Variants in CCSAP observed in about 807,000 individuals in gnomAD.
CCSAP encodes the protein centriole, cilia and spindle-associated protein.
Under a neutral mutation model 25.9 loss-of-function variants are expected in CCSAP, and 17 were observed. The ratio of observed to expected loss-of-function variants is 0.66; its 90% CI spans 0.45 to 0.99. CCSAP has a LOEUF of 0.99. Ranked by LOEUF, CCSAP falls within the 50% of genes least tolerant of loss-of-function variation. The pLI is 0.00. For missense variants in CCSAP, 339 were observed against 367.8 expected (o/e 0.92, Z 0.64); for synonymous variants, 169 against 157.1 (o/e 1.08, Z -0.57).
In CCSAP at chr1:229,323,563, G is replaced by GT. The variant is rs1308456179; in HGVS notation, c.*1671dup. 8 of 152,164 alleles carry GT rather than the reference G, an allele frequency of 5.3e-5. No homozygotes were observed. Among genetic ancestry groups the GT allele is most frequent in the Non-Finnish European group, 8.8e-5 (6 of 68,042 alleles). 9.4% of individuals were successfully genotyped at this position (152,164 alleles called of 1,614,324 possible). On this transcript the variant is annotated 3_prime_UTR_variant, in exon 4 of 4. Transcript: ENST00000284617. The stretch of plus-strand genomic sequence containing the variant: ...GTGTCGTTTAAAGACTTTAATAATA[G>GT]TTAATACCAAAATTCACCAGTTACT...
rs1342109861 is a variant in CCSAP, at chr1:229,342,071, C to T, written c.367+28G>A. 1 of 1,319,410 alleles carries T rather than the reference C, an allele frequency of 7.6e-7. No homozygotes were observed. The highest frequency in any genetic ancestry group is 2.9e-5 in the East Asian group (1 of 34,808). 81.7% of individuals were successfully genotyped at this position (1,319,410 alleles called of 1,614,324 possible). A position where few individuals can be genotyped will look rare whatever the true frequency, so the allele number is the denominator to read the frequency against. ...GAGCAAACCGTCCCTGCGTGCAGGC[C>T]CCTCGCGCTCCCCTCCGGGCCGGGT... On this transcript the variant is annotated intron_variant, in intron 2 of 3. Transcript: ENST00000284617. The surrounding 1 kb of genome is among the most constrained non-coding windows in gnomAD (Gnocchi z 7.5).
At chr1:229,333,171 G>A (rs533327221) in intron 2 of CCSAP, among the ~76,000 whole-genome samples, 17 of 152,244 alleles carry the variant, frequency 1.1e-4, no homozygotes, top group South Asian at 2.1e-4. Context: ...GGTGGCTCAC[G>A]CCTATAATCC....
intron 2 of CCSAP, among the ~76,000 whole-genome samples, chr1:229,336,603 G>T (rs905618106): frequency 6.6e-6 from 1 of 152,006 alleles, no homozygotes; most frequent in Non-Finnish European, 1.5e-5. Flanking sequence ...CAGAAAACAG[G>T]CATCCCCCGT....
intron 3 of CCSAP, 146 bp from the exon 4 acceptor site, chr1:229,325,557 T>A: frequency 1.6e-6 from 1 of 623,226 alleles, no homozygotes; most frequent in Non-Finnish European, 2.7e-6. Context: ...CTTCTTTACA[T>A]AAAACCTTCC....
At chr1:229,336,194 A>C (rs547454485) in intron 2 of CCSAP, among the ~76,000 whole-genome samples, 1 of 150,008 alleles carries the variant, frequency 6.7e-6, no homozygotes, top group African/African-American at 2.5e-5. Context: ...GTTTTAAGCT[A>C]CTAATTTTCA....
At chr1:229,341,616 G>A (rs1658336027) in intron 2 of CCSAP, among the ~76,000 whole-genome samples, 1 of 152,230 alleles carries the variant, frequency 6.6e-6, no homozygotes, top group African/African-American at 2.4e-5. Context: ...TTTAGGGACA[G>A]CGTAGCGAGG....
Position 229,342,151 on chromosome 1 carries a change from G to A in CCSAP, c.315C>T (p.Asp105=), listed in dbSNP as rs1485440110. 1 of 1,322,114 alleles carries A rather than the reference G, an allele frequency of 7.6e-7. No homozygotes were observed. The highest frequency in any genetic ancestry group is 9.7e-7 in the Non-Finnish European group (1 of 1,034,758). The allele number at this position is 1,322,114 out of a possible 1,614,324, so 81.9% of individuals were successfully genotyped here. A position where few individuals can be genotyped will look rare whatever the true frequency, so the allele number is the denominator to read the frequency against. ...RRARGAPEEQ[D]AEAGDAEAED... is the part of the protein sequence containing the mutation. ...CGGCCTCCGCGTCCCCGGCCTCCGC[G>A]TCCTGCTCCTCCGGGGCCCCGCGCG... Residue 105 remains aspartate (D), a synonymous_variant, in exon 2 of 4, where the codon GAC becomes GAT. Coordinates refer to ENST00000284617, the MANE Select transcript of CCSAP (RefSeq NM_145257.5). The surrounding 1 kb of genome is among the most constrained non-coding windows in gnomAD (Gnocchi z 7.5).
intron 2 of CCSAP, among the ~76,000 whole-genome samples, chr1:229,337,698 TACAC>T (rs58144091): frequency 1.5e-4 from 9 of 60,686 alleles, no homozygotes; most frequent in African/African-American, 3.8e-4. Context: ...TATATATATA[TACAC>T]ATACATATAT....
At chr1:229,327,644 C>A (rs1458520885) in intron 2 of CCSAP, 1 of 452,500 alleles carries the variant, frequency 2.2e-6, no homozygotes, top group African/African-American at 2.0e-5. Context: ...CCGAGGCGAG[C>A]GGATCACGAG....
chr1:229,332,464 A>G (rs1658092635), intron 2 of CCSAP, among the ~76,000 whole-genome samples: 1 of 152,210 alleles, frequency 6.6e-6, no homozygotes, highest in African/African-American at 2.4e-5. Context: ...GTGTGACAAC[A>G]GAGGAAAGAG....
chr1:229,340,460 AT>A (rs1329507265), intron 2 of CCSAP: 7 of 715,256 alleles, frequency 9.8e-6, no homozygotes, highest in Non-Finnish European at 1.8e-5. Context: ...TTGTATTTAT[AT>A]TGCATGCAAA....
At chr1:229,326,687 C>T (rs1055998540) in intron 3 of CCSAP, 51 bp downstream of exon 3, 1 of 1,600,632 alleles carries the variant, frequency 6.2e-7, no homozygotes, top group African/African-American at 1.3e-5. Flanking sequence ...GCGCATGGCC[C>T]AGCTGGCCAC....
chr1:229,331,929 G>A (rs1658079443), intron 2 of CCSAP, among the ~76,000 whole-genome samples: 1 of 151,982 alleles, frequency 6.6e-6, no homozygotes, highest in Non-Finnish European at 1.5e-5. Flanking sequence ...GATTACAGGT[G>A]TGTGCTGGGC....
At position 229,325,514 on chromosome 1, in the gene CCSAP, G is replaced by A. The variant is rs981244763; in HGVS notation, c.637-103C>T. 8.8e-5 allele frequency: 93 copies of A among 1,057,400 alleles called. No individual in the cohort carries two copies. In the African/African-American group the frequency reaches 1.4e-3, roughly 16 times the overall value. 65.5% of individuals were successfully genotyped at this position (1,057,400 alleles called of 1,614,324 possible). On this transcript the variant is annotated intron_variant, in intron 3 of 3. Transcript: ENST00000284617. ...GGCTACTGCCAGGTCAACTGCAGCAGGGCAGAGTCAAGCCCTGCCTCTCTA... is the reference window on the plus strand; with the variant it reads ...GGCTACTGCCAGGTCAACTGCAGCAAGGCAGAGTCAAGCCCTGCCTCTCTA...
intron 2 of CCSAP, among the ~76,000 whole-genome samples, chr1:229,335,533 A>G (rs1658177012): frequency 6.6e-6 from 1 of 152,214 alleles, no homozygotes; most frequent in Admixed American, 6.5e-5. Context: ...TGGTGTCAAA[A>G]TAATTGCACC....
chr1:229,333,252 G>T (rs1658117514), intron 2 of CCSAP, among the ~76,000 whole-genome samples: 2 of 151,614 alleles, frequency 1.3e-5, no homozygotes, highest in Admixed American at 1.3e-4. Flanking sequence ...GTAACACGGT[G>T]AAACCCCGTC....
At chr1:229,329,056 G>T (rs1010949831) in intron 2 of CCSAP, among the ~76,000 whole-genome samples, 11 of 152,194 alleles carry the variant, frequency 7.2e-5, no homozygotes, top group African/African-American at 2.7e-4. Flanking sequence ...CTCTTCCCTG[G>T]TGTTTAAGAA....
In CCSAP at chr1:229,330,403, G is replaced by A. The variant is rs1008159633; in HGVS notation, c.368-3397C>T. On this transcript the variant is annotated intron_variant, in intron 2 of 3. Coordinates refer to ENST00000284617, the MANE Select transcript of CCSAP (RefSeq NM_145257.5). ...AGTCACCCAGAAGAAACACAGAGCC[G>A]GAAGACAGGAGGTGCAAACAGGCCC... Among the ~76,000 whole-genome samples, 42 of 152,150 alleles carry A rather than the reference G, an allele frequency of 2.8e-4. 1 individual carries two copies. The highest frequency in any genetic ancestry group is 2.1e-4 in the South Asian group (1 of 4,824).
chr1:229,328,448 G>A (rs1657996989), intron 2 of CCSAP, among the ~76,000 whole-genome samples: 1 of 150,818 alleles, frequency 6.6e-6, no homozygotes, highest in African/African-American at 2.4e-5. Context: ...CTACAGGAGT[G>A]CATCACCATG....
Sources: gnomAD v4.1 joint callset for allele counts (sites outside exome capture counted in the v4.1 genomes callset) on GRCh38, gnomAD v4.1.1 for gene constraint, Gnocchi (gnomAD v3.1) non-coding constraint, MANE v1.5 for transcripts, NCBI Gene and HGNC (gene_info 2026-07-23, HGNC 2026-07-21) for gene names.